The following ERBB4 variants were observed in gnomAD, a reference collection of about 807,000 sequenced individuals.
The protein encoded by ERBB4 is erb-b2 receptor tyrosine kinase 4.
A neutral mutation model predicts 158.0 loss-of-function variants in ERBB4; 42 were observed. The observed-to-expected ratio is 0.27, with a 90% CI of 0.21 to 0.34. ERBB4 has a LOEUF of 0.34. Among genes scored for constraint, ERBB4 ranks in the 10% least tolerant of loss-of-function variants. The probability of loss-of-function intolerance (pLI) is 1.00; values close to 1 mark genes in which losing one functional copy is unlikely to be tolerated. For missense variants in ERBB4, 1,333 were observed against 1,624.1 expected (o/e 0.82, Z 3.08); for synonymous variants, 583 against 558.7 (o/e 1.04, Z -0.61).
chr2:211,420,638 C>G (rs1559150023), intron 24 of ERBB4, 27 bp from the exon 25 acceptor site: 1 of 1,590,226 alleles, frequency 6.3e-7, no homozygotes, highest in South Asian at 1.1e-5. Context: ...CCATCAGACA[C>G]AAATATGATT....
chr2:211,728,765 CAG>C (rs2074348832), intron 5 of ERBB4, among the ~76,000 whole-genome samples: 1 of 151,802 alleles, frequency 6.6e-6, no homozygotes, highest in Non-Finnish European at 1.5e-5. Context: ...TAATCATAGA[CAG>C]ATATGTCTAA....
chr2:212,126,460 CAAAAAAA>C (rs10585812), intron 1 of ERBB4, among the ~76,000 whole-genome samples: 4 of 70,690 alleles, frequency 5.7e-5, no homozygotes, highest in African/African-American at 1.6e-4. Flanking sequence ...GACTCTGTCT[CAAAAAAA>C]AAAAAAAAAA....
intron 1 of ERBB4, among the ~76,000 whole-genome samples, chr2:212,432,392 T>A (rs757195061): frequency 1.3e-5 from 2 of 152,156 alleles, no homozygotes; most frequent in Non-Finnish European, 2.9e-5. Flanking sequence ...ACTTGTAATA[T>A]GATTAAATAG....
At chr2:211,611,334 G>T (rs963331505) in intron 19 of ERBB4, among the ~76,000 whole-genome samples, 3 of 146,666 alleles carry the variant, frequency 2.0e-5, no homozygotes, top group African/African-American at 5.4e-5. Flanking sequence ...AAGGGGAGGG[G>T]TCATAAGGGG....
chr2:211,511,717 A>G (rs1559243605), intron 20 of ERBB4, among the ~76,000 whole-genome samples: 1 of 152,084 alleles, frequency 6.6e-6, no homozygotes, highest in African/African-American at 2.4e-5. Context: ...TTCTAGAGAG[A>G]AAAAGCATTA....
chr2:211,692,421 T>G (rs1432356043), intron 12 of ERBB4, among the ~76,000 whole-genome samples: 1 of 152,176 alleles, frequency 6.6e-6, no homozygotes, highest in Non-Finnish European at 1.5e-5. Context: ...CTGTAACAAA[T>G]TACTACAAAC....
Position 212,348,805 on chromosome 2 carries a change from G to A in ERBB4, c.82+189644C>T, listed in dbSNP as rs2089129264. 2.0e-5 allele frequency among the ~76,000 whole-genome samples: 3 copies of A among 151,986 alleles called. No homozygotes were observed. In the South Asian group the frequency reaches 6.2e-4, roughly 31 times the overall value. On this transcript the variant is annotated intron_variant, in intron 1 of 27. Transcript: ENST00000342788. ...TAAGCAAAACCTGCTTTTAAAAAAC[G>A]ATTCAAAACCTGCTCATAATAAAAT...
intron 13 of ERBB4, among the ~76,000 whole-genome samples, chr2:211,675,464 C>G (rs1461884234): frequency 6.6e-6 from 1 of 151,886 alleles, no homozygotes; most frequent in Non-Finnish European, 1.5e-5. Context: ...TGTAAAAAGA[C>G]TTAGAAGGAG....
At chr2:211,625,103 T>C (rs565705222) in intron 17 of ERBB4, among the ~76,000 whole-genome samples, 3 of 152,110 alleles carry the variant, frequency 2.0e-5, no homozygotes, top group Non-Finnish European at 4.4e-5. Context: ...AGAGAGGCTC[T>C]GGGTACCAAA....
intron 1 of ERBB4, among the ~76,000 whole-genome samples, chr2:212,131,232 A>C (rs1301474323): frequency 6.6e-6 from 1 of 152,160 alleles, no homozygotes; most frequent in African/African-American, 2.4e-5. Flanking sequence ...GGACTTACAC[A>C]GCGGCCTCCT....
At chr2:211,787,982 G>A (rs769521620) in intron 4 of ERBB4, 43 bp downstream of exon 4, 2 of 1,591,192 alleles carry the variant, frequency 1.3e-6, no homozygotes, top group African/African-American at 2.7e-5. Context: ...TCGCCACATA[G>A]GGTAGAACAT....
chr2:212,069,542 AT>A (rs1387031728), intron 2 of ERBB4, among the ~76,000 whole-genome samples: 1 of 152,058 alleles, frequency 6.6e-6, no homozygotes, highest in Non-Finnish European at 1.5e-5. Flanking sequence ...TCTATTAAAT[AT>A]TGTACTGGAG....
intron 20 of ERBB4, among the ~76,000 whole-genome samples, chr2:211,470,523 T>C (rs550650364): frequency 1.3e-5 from 2 of 152,308 alleles, no homozygotes; most frequent in African/African-American, 4.8e-5. Flanking sequence ...GGTAGCATTT[T>C]TTTTACTTTC....
Position 212,535,863 on chromosome 2 carries a change from C to T in ERBB4, c.82+2586G>A, listed in dbSNP as rs578052480. 1.2e-3 allele frequency among the ~76,000 whole-genome samples: 183 copies of T among 152,272 alleles called. 2 individuals are homozygous for T. Among genetic ancestry groups the T allele is most frequent in the African/African-American group, 4.2e-3 (175 of 41,554 alleles). The stretch of plus-strand genomic sequence containing the variant: ...ATCTTAAAGATCTATACAACAGCAT[C>T]CCCCGCCCTATATTTTTATTCTGTT... On this transcript the variant is annotated intron_variant, in intron 1 of 27. Transcript: ENST00000342788.
intron 1 of ERBB4, among the ~76,000 whole-genome samples, chr2:212,366,683 T>C (rs927630681): frequency 2.0e-5 from 3 of 152,028 alleles, no homozygotes; most frequent in Admixed American, 1.3e-4. Context: ...CTTAGAGCAC[T>C]TGATACTACA....
chr2:211,477,297 ATC>A (rs768301910), intron 20 of ERBB4, among the ~76,000 whole-genome samples: 2 of 151,104 alleles, frequency 1.3e-5, no homozygotes, highest in East Asian at 2.0e-4. Context: ...ATTCCTTAAA[ATC>A]TCTCTCTCTC....
At chr2:211,678,991 A>C in intron 13 of ERBB4, 61 bp downstream of exon 13, 1 of 1,220,328 alleles carries the variant, frequency 8.2e-7, no homozygotes, top group South Asian at 1.4e-5. Flanking sequence ...AAAAAAAAAA[A>C]TCAGAACTAA....
At chr2:212,412,896 G>T (rs2091537347) in intron 1 of ERBB4, among the ~76,000 whole-genome samples, 1 of 152,064 alleles carries the variant, frequency 6.6e-6, no homozygotes. Flanking sequence ...ATCTACATCA[G>T]CCTGATGAAC....
rs200613120 is a variant in ERBB4, at chr2:211,709,254, C to CATATATAT, written c.1124+2788_1124+2795dup. Among the ~76,000 whole-genome samples, 554 of 101,498 alleles carry CATATATAT rather than the reference C, an allele frequency of 5.5e-3. 2 individuals carry two copies. The highest frequency in any genetic ancestry group is 0.02 in the African/African-American group (512 of 25,394). 66.6% of individuals were successfully genotyped at this position (101,498 alleles called of 152,430 possible). The stretch of plus-strand genomic sequence containing the variant: ...GTGTGTGTATATATATATATATACA[C>CATATATAT]ATATATATATATATATATATACATA... On this transcript the variant is annotated intron_variant, in intron 9 of 27. Coordinates refer to ENST00000342788, the MANE Select transcript of ERBB4 (RefSeq NM_005235.3).
Sources: allele counts gnomAD v4.1 joint callset (sites outside exome capture counted in the v4.1 genomes callset), GRCh38; gene constraint gnomAD v4.1.1; transcripts MANE v1.5; gene names NCBI Gene and HGNC (gene_info 2026-07-23, HGNC 2026-07-21).